Variants in SNAPC5 observed in about 807,000 individuals in gnomAD.
SNAPC5 encodes the protein snRNA-activating protein complex subunit 5.
A neutral mutation model predicts 9.1 loss-of-function variants in SNAPC5; 12 were observed. The ratio of observed to expected loss-of-function variants is 1.32; its 90% CI spans 0.85 to 2.15. SNAPC5 has a LOEUF of 2.15. Ranked by LOEUF, SNAPC5 falls within the 30% of genes most tolerant of loss-of-function variation. SNAPC5 has a pLI of 0.00. For missense variants in SNAPC5, 132 were observed against 114.4 expected (o/e 1.15, Z -0.70); for synonymous variants, 52 against 47.3 (o/e 1.10, Z -0.41).
Position 66,494,448 on chromosome 15 carries a change from T to G in SNAPC5, c.285A>C (p.Glu95Asp). Residue 95 changes from glutamate to aspartate, a missense_variant, in exon 3 of 3, where the codon GAA becomes GAC. Glu to Asp is a conservative substitution (Grantham distance 45). Transcript: ENST00000316634. The stretch of plus-strand genomic sequence containing the variant: ...CTTTCCCCCTCCTTTAGGAATCTGA[T>G]TCTTCTTCCTCTTCCTCCTCCTCCT... Reference protein sequence around the residue: ...TEEEEEEEEEESDS With the variant: ...TEEEEEEEEEDSDS 6.2e-7 allele frequency: 1 copy of G among 1,610,948 alleles called. No homozygotes were observed. The highest frequency in any genetic ancestry group is 8.5e-7 in the Non-Finnish European group (1 of 1,178,314).
chr15:66,492,031 G>A (rs945548855), downstream of SNAPC5: 4 of 456,532 alleles, frequency 8.8e-6, no homozygotes, highest in African/African-American at 4.0e-5. Context: ...CACAACATAG[G>A]ACAGTCTGTC....
Position 66,497,755 on chromosome 15 carries a change from TCCGGG to T in SNAPC5, c.-29_-25del, listed in dbSNP as rs1893495065. 5 of 1,586,156 alleles carry T rather than the reference TCCGGG, an allele frequency of 3.2e-6. No homozygotes were observed. Among genetic ancestry groups the T allele is most frequent in the Non-Finnish European group, 8.6e-7 (1 of 1,158,912 alleles). On this transcript the variant is annotated 5_prime_UTR_variant, in exon 1 of 3. Transcript: ENST00000316634. ...ATGTTGCCTGGTCACATAGCCAACCTCCGGGCTGCTGTCGGCCCGGCACTCGGTGA... is the reference window on the plus strand; with the variant it reads ...ATGTTGCCTGGTCACATAGCCAACCTCTGCTGTCGGCCCGGCACTCGGTGA...
At chr15:66,494,647 A>AT in intron 2 of SNAPC5, 95 bp from the exon 3 acceptor site, 1 of 849,798 alleles carries the variant, frequency 1.2e-6, no homozygotes, top group East Asian at 2.4e-5. Flanking sequence ...TCTCAATTGC[A>AT]TATCTATCCC....
intron 2 of SNAPC5, 54 bp downstream of exon 2, chr15:66,495,275 TG>T: frequency 9.9e-7 from 1 of 1,014,826 alleles, no homozygotes; most frequent in Non-Finnish European, 1.6e-6. Context: ...CCAAGCAGCA[TG>T]GGAGCAGAGC....
chr15:66,490,490 C>T, downstream of SNAPC5: 1 of 1,584,268 alleles, frequency 6.3e-7, no homozygotes, highest in Non-Finnish European at 8.7e-7. Context: ...CCTCTCGTTT[C>T]CTTACATGCA....
downstream of SNAPC5, chr15:66,490,120 G>A: frequency 1.9e-6 from 1 of 518,162 alleles, no homozygotes; most frequent in Non-Finnish European, 3.5e-6. Flanking sequence ...TGTCTCGTTT[G>A]GTGGCAGTGG....
At position 66,494,365 on chromosome 15, in the gene SNAPC5, C is replaced by T; in HGVS notation, c.*71G>A. The stretch of plus-strand genomic sequence containing the variant: ...CACAGGGCCCAGGGCAAGATGATTT[C>T]CTTGAGGAGAAGTAGCCTGAGCCTT... On this transcript the variant is annotated 3_prime_UTR_variant, in exon 3 of 3. Coordinates refer to ENST00000316634, the MANE Select transcript of SNAPC5 (RefSeq NM_001329615.2). The T allele has an allele frequency of 9.9e-7, 1 of 1,014,026 alleles. No homozygotes were observed. The highest frequency in any genetic ancestry group is 1.3e-5 in the South Asian group (1 of 74,536). 62.8% of individuals were successfully genotyped at this position (1,014,026 alleles called of 1,614,324 possible).
chr15:66,491,812 T>C (rs1440695414), downstream of SNAPC5: 5 of 387,180 alleles, frequency 1.3e-5, no homozygotes, highest in Non-Finnish European at 5.1e-6. Context: ...TATATTCCTT[T>C]GATCTCTTTT....
intron 1 of SNAPC5, among the ~76,000 whole-genome samples, chr15:66,495,659 T>C (rs941110805): frequency 1.3e-5 from 2 of 152,240 alleles, no homozygotes; most frequent in African/African-American, 4.8e-5. Flanking sequence ...GGCTGAGTCA[T>C]GGCTTCCACT....
rs1273805362 is a variant in SNAPC5 at position 66,495,320 on chromosome 15, T to C, written c.180+10A>G. On this transcript the variant is annotated intron_variant, in intron 2 of 2. Transcript: ENST00000316634. ...CATTCTCTCCTAGGCCTGCACTTGA[T>C]TAAGCTTACATCATGTGACTGTTCA... The C allele has an allele frequency of 2.0e-6, 3 of 1,511,050 alleles. No individual in the cohort carries two copies. In the Admixed American group the frequency reaches 5.0e-5, roughly 25 times the overall value. 93.6% of individuals were successfully genotyped at this position (1,511,050 alleles called of 1,614,324 possible).
downstream of SNAPC5, chr15:66,491,882 A>G (rs1490251460): frequency 2.2e-6 from 1 of 444,956 alleles, no homozygotes; most frequent in Non-Finnish European, 4.5e-6. Context: ...ATGACAAAAC[A>G]TTTCTTATCT....
At position 66,497,701 on chromosome 15, in the gene SNAPC5, CCTT is replaced by C; in HGVS notation, c.28_30del (p.Lys10del). ...TTCAACCGCAGCAGCGTCTCCTCCT[CCTT>C]GCGCAGTTCCTGAAGCCGGCTCAGC... On this transcript the variant is annotated inframe_deletion, in exon 1 of 3. Transcript: ENST00000316634. 6.2e-7 allele frequency: 1 copy of C among 1,613,734 alleles called. No individual in the cohort carries two copies. Among genetic ancestry groups the C allele is most frequent in the South Asian group, 1.1e-5 (1 of 91,062 alleles).
At position 66,495,006 on chromosome 15, in the gene SNAPC5, T is replaced by C. The variant is rs1420263239; in HGVS notation, c.180+324A>G. On this transcript the variant is annotated intron_variant, in intron 2 of 2. Coordinates refer to ENST00000316634, the MANE Select transcript of SNAPC5 (RefSeq NM_001329615.2). ...CACTCTTGAATCTCAAGGTTACTTA[T>C]TCACAAAAAATCAAGAGTTTTGACA... 1.8e-5 allele frequency: 7 copies of C among 382,554 alleles called. No homozygotes were observed. The East Asian group carries it at 2.7e-4, about 15-fold the overall frequency. The allele number at this position is 382,554 out of a possible 1,614,324, so 23.7% of individuals were successfully genotyped here. A position where few individuals can be genotyped will look rare whatever the true frequency, so the allele number is the denominator to read the frequency against.
chr15:66,489,821 T>G (rs1378473691), downstream of SNAPC5: 3 of 1,420,656 alleles, frequency 2.1e-6, no homozygotes, highest in Non-Finnish European at 3.0e-6. Context: ...TTCTTCTCTG[T>G]CAGTCATCTG....
At position 66,494,337 on chromosome 15, in the gene SNAPC5, G is replaced by T; in HGVS notation, c.*99C>A. 1 of 811,998 alleles carries T rather than the reference G, an allele frequency of 1.2e-6. No homozygotes were observed. Among genetic ancestry groups the T allele is most frequent in the Non-Finnish European group, 2.0e-6 (1 of 493,876 alleles). The allele number at this position is 811,998 out of a possible 1,614,324, so 50.3% of individuals were successfully genotyped here. A position where few individuals can be genotyped will look rare whatever the true frequency, so the allele number is the denominator to read the frequency against. On this transcript the variant is annotated 3_prime_UTR_variant, in exon 3 of 3. Transcript: ENST00000316634. ...ATAGTTCTTGCTTTCCTTTCAAGCA[G>T]ATCACAGGGCCCAGGGCAAGATGAT...
At chr15:66,492,243 G>A (rs886216100), downstream of SNAPC5, 41 of 270,358 alleles carry the variant, frequency 1.5e-4, 1 homozygote, top group South Asian at 1.3e-3. Context: ...TCTTTGAAAG[G>A]GCAGGTTACA....
At chr15:66,489,819 T>C (rs376186921), downstream of SNAPC5, 1 of 1,437,282 alleles carries the variant, frequency 7.0e-7, no homozygotes, top group Non-Finnish European at 9.8e-7. Flanking sequence ...TGTTCTTCTC[T>C]GTCAGTCATC....
At chr15:66,497,483 C>T (rs1893476490) in intron 1 of SNAPC5, 159 bp downstream of exon 1, 1 of 702,306 alleles carries the variant, frequency 1.4e-6, no homozygotes. Flanking sequence ...CCAGGTGATT[C>T]AGATACCTGT....
At chr15:66,496,813 A>T (rs1893453644) in intron 1 of SNAPC5, 1 of 152,304 alleles carries the variant, frequency 6.6e-6, no homozygotes, top group Non-Finnish European at 1.5e-5. Context: ...CAACATGGTG[A>T]AACCCCGTCT....
Sources: gnomAD v4.1 joint callset for allele counts (sites outside exome capture counted in the v4.1 genomes callset) on GRCh38, gnomAD v4.1.1 for gene constraint, MANE v1.5 for transcripts, NCBI Gene and HGNC (gene_info 2026-07-23, HGNC 2026-07-21) for gene names.